Variants in ANXA10 observed in about 807,000 individuals in gnomAD.
ANXA10 encodes annexin 14.
Under a neutral mutation model 53.5 loss-of-function variants are expected in ANXA10, and 49 were observed. That is an observed-to-expected ratio of 0.92 (90% CI 0.73 to 1.16). The LOEUF is 1.16. Among genes scored for constraint, ANXA10 ranks in the 50% most tolerant of loss-of-function variants. The probability of loss-of-function intolerance (pLI) is 0.00; values close to 1 mark genes in which losing one functional copy is unlikely to be tolerated. For missense variants in ANXA10, 393 were observed against 394.4 expected (o/e 1.00, Z 0.03); for synonymous variants, 131 against 128.9 (o/e 1.02, Z -0.11).
intron 6 of ANXA10, among the ~76,000 whole-genome samples, chr4:168,170,639 G>A (rs374208939): frequency 5.5e-4 from 83 of 152,244 alleles, no homozygotes; most frequent in African/African-American, 1.9e-3. Flanking sequence ...CCTTGGAACA[G>A]CACTTAAGTA....
At chr4:168,177,706 A>G in intron 6 of ANXA10, 34 bp from the exon 7 acceptor site, 1 of 1,610,354 alleles carries the variant, frequency 6.2e-7, no homozygotes, top group Non-Finnish European at 8.5e-7. Flanking sequence ...CTGACTAAGA[A>G]CATTTACATG....
chr4:168,117,806 T>A (rs912898755), intron 1 of ANXA10, among the ~76,000 whole-genome samples: 29 of 152,186 alleles, frequency 1.9e-4, no homozygotes, highest in African/African-American at 6.8e-4. Context: ...ACTTCAGGGT[T>A]ACAGGTGGCC....
intron 10 of ANXA10, 38 bp downstream of exon 10, chr4:168,181,779 T>G (rs760507973): frequency 7.3e-7 from 1 of 1,365,286 alleles, no homozygotes; most frequent in East Asian, 2.3e-5. Context: ...TCTCCAGAAA[T>G]TGTGTCTGTT....
At chr4:168,178,235 T>C in intron 8 of ANXA10, 1 of 457,454 alleles carries the variant, frequency 2.2e-6, no homozygotes, top group Admixed American at 3.7e-5. Flanking sequence ...CTGTATTTGA[T>C]GGAGTACTTA....
At chr4:168,101,170 G>T (rs1413425621) in intron 1 of ANXA10, among the ~76,000 whole-genome samples, 1 of 151,938 alleles carries the variant, frequency 6.6e-6, no homozygotes, top group East Asian at 1.9e-4. Flanking sequence ...TTGCTTAAAA[G>T]TGTGTAGCAC....
At chr4:168,105,025 ATGAG>A (rs1247376220) in intron 1 of ANXA10, among the ~76,000 whole-genome samples, 1 of 151,924 alleles carries the variant, frequency 6.6e-6, no homozygotes, top group Non-Finnish European at 1.5e-5. Flanking sequence ...ATAAATGTAG[ATGAG>A]TGAATTTGTT....
intron 10 of ANXA10, among the ~76,000 whole-genome samples, chr4:168,182,171 T>C (rs913474517): frequency 1.3e-5 from 2 of 152,094 alleles, no homozygotes; most frequent in South Asian, 4.1e-4. Flanking sequence ...ATTATGTCAA[T>C]GGATATTTTT....
chr4:168,128,375 GCTAGT>G (rs1282665234), intron 2 of ANXA10, among the ~76,000 whole-genome samples: 6 of 151,672 alleles, frequency 4.0e-5, no homozygotes, highest in South Asian at 2.1e-4. Flanking sequence ...TTTAGAAATT[GCTAGT>G]CTAATCTTAA....
intron 9 of ANXA10, 77 bp downstream of exon 9, chr4:168,179,389 G>A: frequency 2.0e-6 from 2 of 989,262 alleles, no homozygotes; most frequent in East Asian, 5.2e-5. Context: ...TTGAACTAAA[G>A]ATGCATGAGT....
At chr4:168,140,242 G>A (rs1361800518) in intron 3 of ANXA10, among the ~76,000 whole-genome samples, 1 of 152,164 alleles carries the variant, frequency 6.6e-6, no homozygotes, top group Non-Finnish European at 1.5e-5. Context: ...AAAAGTGCCT[G>A]AAACAACAAT....
chr4:168,136,003 C>A (rs1278313515), intron 2 of ANXA10, among the ~76,000 whole-genome samples: 1 of 152,198 alleles, frequency 6.6e-6, no homozygotes, highest in African/African-American at 2.4e-5. Flanking sequence ...AAAGGGGAAG[C>A]AGGCACATCC....
chr4:168,121,708 A>G (rs1310820674), intron 1 of ANXA10, among the ~76,000 whole-genome samples: 1 of 152,202 alleles, frequency 6.6e-6, no homozygotes, highest in Non-Finnish European at 1.5e-5. Context: ...CATGTGTTAT[A>G]GTATACACCA....
rs569982410 is a variant in ANXA10 at position 168,147,742 on chromosome 4, A to G, written c.195+8162A>G. Among the ~76,000 whole-genome samples, 3 of 152,324 alleles carry G rather than the reference A, an allele frequency of 2.0e-5. No individual in the cohort carries two copies. In the East Asian group the frequency reaches 5.8e-4, roughly 29 times the overall value. Reference sequence around the variant, plus strand: ...CGATGAGTCCAGGTAGAATGGTGACATGGACACCTGCATCCAACAGATTCA... The same window carrying G: ...CGATGAGTCCAGGTAGAATGGTGACGTGGACACCTGCATCCAACAGATTCA... On this transcript the variant is annotated intron_variant, in intron 3 of 11. Coordinates refer to ENST00000359299, the MANE Select transcript of ANXA10 (RefSeq NM_007193.5).
intron 1 of ANXA10, among the ~76,000 whole-genome samples, chr4:168,107,576 C>G (rs1730737954): frequency 6.6e-6 from 1 of 152,070 alleles, no homozygotes; most frequent in South Asian, 2.1e-4. Context: ...TAAGTTTAGG[C>G]TACTATAACA....
intron 1 of ANXA10, among the ~76,000 whole-genome samples, chr4:168,096,147 C>T (rs1005400644): frequency 3.9e-5 from 6 of 152,156 alleles, no homozygotes; most frequent in African/African-American, 1.4e-4. Flanking sequence ...ACTGACAAGA[C>T]ATCTCATGGG....
At chr4:168,099,296 C>T (rs1385562084) in intron 1 of ANXA10, among the ~76,000 whole-genome samples, 1 of 152,000 alleles carries the variant, frequency 6.6e-6, no homozygotes, top group Non-Finnish European at 1.5e-5. Context: ...AGTTGCCAGT[C>T]TGAAAATATT....
chr4:168,105,006 A>C (rs1455929529), intron 1 of ANXA10, among the ~76,000 whole-genome samples: 1 of 151,944 alleles, frequency 6.6e-6, no homozygotes, highest in Non-Finnish European at 1.5e-5. Flanking sequence ...AAAGTGGCAG[A>C]CTTGTGTGAT....
intron 3 of ANXA10, among the ~76,000 whole-genome samples, chr4:168,156,526 G>A (rs1212932775): frequency 1.4e-4 from 20 of 145,330 alleles, no homozygotes; most frequent in African/African-American, 2.8e-4. Flanking sequence ...TTTTTGAGAC[G>A]GAGTCTCCAC....
intron 6 of ANXA10, among the ~76,000 whole-genome samples, chr4:168,171,464 G>A (rs1282098518): frequency 6.6e-6 from 1 of 152,022 alleles, no homozygotes; most frequent in Admixed American, 6.5e-5. Context: ...TAGAATCAAA[G>A]GAAAGATGAC....
Sources: allele counts gnomAD v4.1 joint callset (sites outside exome capture counted in the v4.1 genomes callset), GRCh38; gene constraint gnomAD v4.1.1; transcripts MANE v1.5; gene names NCBI Gene and HGNC (gene_info 2026-07-23, HGNC 2026-07-21).